FCHSD2: variants seen among roughly 807,000 people sequenced by gnomAD.
FCHSD2 encodes F-BAR and double SH3 domains protein 2.
FCHSD2 carries 38 observed loss-of-function variants against 108.1 expected under a neutral mutation model. The observed-to-expected ratio is 0.35, with a 90% CI of 0.27 to 0.46. The LOEUF is 0.46. Ranked by LOEUF, FCHSD2 falls within the 20% of genes least tolerant of loss-of-function variation. The pLI, the probability that FCHSD2 is intolerant of heterozygous loss-of-function variation, is 1.00. For missense variants in FCHSD2, 751 were observed against 897.8 expected (o/e 0.84, Z 2.09); for synonymous variants, 279 against 314.7 (o/e 0.89, Z 1.20).
intron 3 of FCHSD2, among the ~76,000 whole-genome samples, chr11:73,033,085 G>A (rs1428879441): frequency 6.6e-6 from 1 of 151,908 alleles, no homozygotes; most frequent in Non-Finnish European, 1.5e-5. Flanking sequence ...TCAGGAGATC[G>A]AGACCATCCT....
intron 12 of FCHSD2, among the ~76,000 whole-genome samples, chr11:72,872,753 C>T (rs1054329940): frequency 1.3e-5 from 2 of 151,926 alleles, no homozygotes; most frequent in African/African-American, 4.8e-5. Flanking sequence ...TTGCTATAAA[C>T]GTGTGTGTAT....
intron 3 of FCHSD2, among the ~76,000 whole-genome samples, chr11:73,035,696 T>TTTTATTTATTTA (rs35623691): frequency 9.7e-4 from 122 of 125,924 alleles, no homozygotes; most frequent in African/African-American, 1.8e-3. Flanking sequence ...AATGTTCAGT[T>TTTTATTTATTTA]TTTATTTATT....
intron 13 of FCHSD2, among the ~76,000 whole-genome samples, chr11:72,859,782 A>C (rs946107188): frequency 1.3e-5 from 2 of 152,234 alleles, no homozygotes; most frequent in South Asian, 2.1e-4. Context: ...AGAAGCACTA[A>C]AAAGGATTAG....
Position 73,124,193 on chromosome 11 carries a change from G to A in FCHSD2, c.119+15838C>T, listed in dbSNP as rs369562211. Among the ~76,000 whole-genome samples the A allele has an allele frequency of 3.5e-3, 532 of 152,214 alleles. 1 individual carries two copies. Among genetic ancestry groups the A allele is most frequent in the African/African-American group, 0.012 (510 of 41,526 alleles). On this transcript the variant is annotated intron_variant, in intron 2 of 19. Transcript: ENST00000409418. ...CCAAACACCGCATGTTCTCACTCAT[G>A]GATGGGAATTGAACAATGAGAACAC...
chr11:73,139,726 T>C (rs894841262), intron 2 of FCHSD2, among the ~76,000 whole-genome samples: 13 of 152,226 alleles, frequency 8.5e-5, no homozygotes, highest in African/African-American at 3.1e-4. Flanking sequence ...GTCAATAAAA[T>C]GATTGTTACA....
chr11:73,134,637 A>C (rs1861080418), intron 2 of FCHSD2, among the ~76,000 whole-genome samples: 2 of 152,246 alleles, frequency 1.3e-5, no homozygotes, highest in African/African-American at 4.8e-5. Flanking sequence ...TTCTTGAGCC[A>C]GTTTCAATTC....
intron 3 of FCHSD2, among the ~76,000 whole-genome samples, chr11:73,016,666 T>C (rs997429490): frequency 6.6e-6 from 1 of 152,236 alleles, no homozygotes; most frequent in African/African-American, 2.4e-5. Flanking sequence ...TATACTGGCA[T>C]GTAAAATTAA....
chr11:72,850,330 G>A (rs1264493541), intron 13 of FCHSD2, among the ~76,000 whole-genome samples: 4 of 152,054 alleles, frequency 2.6e-5, no homozygotes, highest in Non-Finnish European at 4.4e-5. Context: ...TTCCCAAAGT[G>A]CTGGTATTAC....
At chr11:72,920,876 G>A (rs532339581) in intron 9 of FCHSD2, among the ~76,000 whole-genome samples, 11 of 152,120 alleles carry the variant, frequency 7.2e-5, no homozygotes, top group Non-Finnish European at 1.0e-4. Context: ...TTGTATTTCC[G>A]TATCAACCTA....
intron 8 of FCHSD2, among the ~76,000 whole-genome samples, chr11:72,938,318 T>C (rs1275109829): frequency 1.3e-5 from 2 of 152,030 alleles, no homozygotes; most frequent in Non-Finnish European, 2.9e-5. Flanking sequence ...AGATTTATAC[T>C]TGAATTTAAT....
intron 14 of FCHSD2, among the ~76,000 whole-genome samples, chr11:72,846,380 C>T (rs1861143188): frequency 6.6e-6 from 1 of 152,096 alleles, no homozygotes; most frequent in Admixed American, 6.5e-5. Context: ...CGGGGTTTCA[C>T]CATGTTGGTC....
chr11:73,085,649 C>T (rs1261812426), intron 2 of FCHSD2, among the ~76,000 whole-genome samples: 1 of 151,984 alleles, frequency 6.6e-6, no homozygotes, highest in East Asian at 1.9e-4. Flanking sequence ...CTTCAGAAGA[C>T]CTGATTTTAA....
rs190302225 is a variant in FCHSD2 at position 73,133,245 on chromosome 11, T to C, written c.119+6786A>G. Among the ~76,000 whole-genome samples, 44 of 152,338 alleles carry C rather than the reference T, an allele frequency of 2.9e-4. No homozygotes were observed. The East Asian group carries it at 6.2e-3, about 21-fold the overall frequency. Reference sequence around the variant, plus strand: ...AAAAGTTAAACATAGAGTTACCATATGACCCAGACATTCCATTTTTAGGTA... The same window carrying C: ...AAAAGTTAAACATAGAGTTACCATACGACCCAGACATTCCATTTTTAGGTA... On this transcript the variant is annotated intron_variant, in intron 2 of 19. Transcript: ENST00000409418.
chr11:73,092,752 C>T (rs1859986646), intron 2 of FCHSD2, among the ~76,000 whole-genome samples: 1 of 152,126 alleles, frequency 6.6e-6, no homozygotes, highest in African/African-American at 2.4e-5. Flanking sequence ...ACTTTGGTCA[C>T]ATTATATCAG....
intron 5 of FCHSD2, among the ~76,000 whole-genome samples, chr11:72,991,046 C>G (rs1300780116): frequency 1.3e-5 from 2 of 152,190 alleles, no homozygotes; most frequent in African/African-American, 4.8e-5. Flanking sequence ...ACCAATCCCA[C>G]AGAAATACAA....
At chr11:73,031,621 G>T (rs1441506168) in intron 3 of FCHSD2, among the ~76,000 whole-genome samples, 5 of 152,108 alleles carry the variant, frequency 3.3e-5, no homozygotes, top group African/African-American at 1.2e-4. Flanking sequence ...ACTGAATGTA[G>T]TAAGTATCCT....
At position 72,902,606 on chromosome 11, in the gene FCHSD2, C is replaced by A; in HGVS notation, c.861G>T (p.Leu287Phe). The A allele has an allele frequency of 6.3e-7, 1 of 1,581,966 alleles. No individual in the cohort carries two copies. Among genetic ancestry groups the A allele is most frequent in the Non-Finnish European group, 8.6e-7 (1 of 1,163,068 alleles). The change falls in exon 10 of 20, where the codon TTG becomes TTT. Residue 287 changes from leucine (L) to phenylalanine (F), a missense_variant. Physicochemically the swap from Leu to Phe is conservative, Grantham distance 22. Coordinates refer to ENST00000409418, the MANE Select transcript of FCHSD2 (RefSeq NM_014824.3). ...VVRDYNLQLF[L>F]QENAVFHKPQ... ...GTTTGTGAAATACAGCGTTTTCTTG[C>A]AAAAACAGCTGAAGATTGTAGTCCC...
intron 8 of FCHSD2, among the ~76,000 whole-genome samples, chr11:72,926,506 C>A (rs1015891443): frequency 2.0e-5 from 3 of 152,126 alleles, no homozygotes; most frequent in African/African-American, 4.8e-5. Context: ...GAGAGGGGAG[C>A]TTCAGAGACC....
intron 13 of FCHSD2, among the ~76,000 whole-genome samples, chr11:72,853,194 A>G (rs1371549956): frequency 6.6e-6 from 1 of 152,190 alleles, no homozygotes; most frequent in African/African-American, 2.4e-5. Flanking sequence ...AAACCTTCAC[A>G]TACATGATTA....
Sources: gnomAD v4.1 joint callset for allele counts (sites outside exome capture counted in the v4.1 genomes callset) on GRCh38, gnomAD v4.1.1 for gene constraint, MANE v1.5 for transcripts, NCBI Gene and HGNC (gene_info 2026-07-23, HGNC 2026-07-21) for gene names.